ZNF331: variants seen among roughly 807,000 people sequenced by gnomAD.
ZNF331 encodes zinc finger protein 331.
Under a neutral mutation model 7.0 loss-of-function variants are expected in ZNF331, and 2 were observed. The ratio of observed to expected loss-of-function variants is 0.29; its 90% CI spans 0.12 to 0.90. ZNF331 has a LOEUF of 0.90. Ranked by LOEUF, ZNF331 falls within the 40% of genes least tolerant of loss-of-function variation. The pLI is 0.58. For missense variants in ZNF331, 432 were observed against 587.7 expected (o/e 0.74, Z 2.74); for synonymous variants, 196 against 205.4 (o/e 0.95, Z 0.39).
At chr19:53,570,123 G>A (rs909128849) in intron 4 of ZNF331, among the ~76,000 whole-genome samples, 1 of 152,012 alleles carries the variant, frequency 6.6e-6, no homozygotes, top group Non-Finnish European at 1.5e-5. Context: ...GGCTATGGTG[G>A]CATGTGTCCA....
chr19:53,549,771 A>G (rs970292160), intron 2 of ZNF331, among the ~76,000 whole-genome samples: 2 of 150,600 alleles, frequency 1.3e-5, no homozygotes, highest in African/African-American at 2.4e-5. Context: ...TTTTTGCTCT[A>G]ATCTTTATTA....
At chr19:53,534,536 C>T (rs949554562), upstream of ZNF331, among the ~76,000 whole-genome samples, 1 of 152,146 alleles carries the variant, frequency 6.6e-6, no homozygotes, top group Non-Finnish European at 1.5e-5. Flanking sequence ...ATCCGCCCAC[C>T]TCGGCCTCCC....
intron 2 of ZNF331, among the ~76,000 whole-genome samples, chr19:53,528,176 C>A (rs2087380400): frequency 6.6e-6 from 1 of 152,112 alleles, no homozygotes; most frequent in Non-Finnish European, 1.5e-5. Context: ...TCTCTATTTC[C>A]CTAGTTGCTG....
intron 3 of ZNF331, among the ~76,000 whole-genome samples, chr19:53,565,729 A>G (rs1039246346): frequency 1.3e-5 from 2 of 151,790 alleles, no homozygotes. Context: ...GGGTTTCACC[A>G]TGTTGGCCAG....
upstream of ZNF331, among the ~76,000 whole-genome samples, chr19:53,535,564 C>T (rs2087714039): frequency 1.3e-5 from 2 of 152,082 alleles, no homozygotes; most frequent in African/African-American, 4.8e-5. Flanking sequence ...TAAAAGAAAT[C>T]CAGCCCAACC....
At chr19:53,559,325 CAT>C (rs1428616559) in intron 3 of ZNF331, among the ~76,000 whole-genome samples, 2 of 150,610 alleles carry the variant, frequency 1.3e-5, no homozygotes, top group African/African-American at 2.5e-5. Context: ...TACACACCTA[CAT>C]ATAGAGACAC....
chr19:53,511,772 T>TACAA, the ZNF331 span, among the ~76,000 whole-genome samples: 57 of 152,140 alleles, frequency 3.7e-4, no homozygotes, highest in Non-Finnish European at 1.2e-4. Flanking sequence ...CTTTATAATA[T>TACAA]ACAAACACAT....
intron 2 of ZNF331, among the ~76,000 whole-genome samples, chr19:53,548,333 G>T (rs771419492): frequency 6.6e-6 from 1 of 151,806 alleles, no homozygotes; most frequent in African/African-American, 2.4e-5. Context: ...GGATGGTCTC[G>T]ATCTCCTGAC....
intron 3 of ZNF331, among the ~76,000 whole-genome samples, chr19:53,557,007 A>G (rs1276652064): frequency 8.3e-6 from 1 of 120,662 alleles, no homozygotes; most frequent in Non-Finnish European, 1.7e-5. Context: ...TTTGGTAGAT[A>G]CAATGTTTCA....
chr19:53,558,944 CATATACACAT>C lies in ZNF331; in HGVS notation c.-74+3038_-74+3047del, dbSNP rs2089614087. ...TACACACACATACACACCATACACACATATACACATACCATATACACACCATACACACATA... is the reference window on the plus strand; with the variant it reads ...TACACACACATACACACCATACACACACCATATACACACCATACACACATA... On this transcript the variant is annotated intron_variant, in intron 3 of 5. Coordinates refer to ENST00000449416, the MANE Select transcript of ZNF331 (RefSeq NM_001079906.2). This position sits in a 1 kb window ranked among gnomAD's most constrained non-coding sequence, Gnocchi z 4.5. Among the ~76,000 whole-genome samples, 1 of 96,456 alleles carries C rather than the reference CATATACACAT, an allele frequency of 1.0e-5. No homozygotes were observed. The highest frequency in any genetic ancestry group is 7.4e-5 in the African/African-American group (1 of 13,498). The allele number at this position is 96,456 out of a possible 152,430, so 63.3% of individuals were successfully genotyped here. A position where few individuals can be genotyped will look rare whatever the true frequency, so the allele number is the denominator to read the frequency against.
At chr19:53,545,850 G>C (rs986291580) in intron 2 of ZNF331, among the ~76,000 whole-genome samples, 1 of 152,174 alleles carries the variant, frequency 6.6e-6, no homozygotes, top group Non-Finnish European at 1.5e-5. Flanking sequence ...TCACAGTAAC[G>C]GGAAGCCTCA....
At chr19:53,544,359 C>A (rs900668839) in intron 2 of ZNF331, among the ~76,000 whole-genome samples, 19 of 151,212 alleles carry the variant, frequency 1.3e-4, no homozygotes, top group African/African-American at 4.6e-4. Flanking sequence ...TCCTGGCTAA[C>A]ACGGTGAAAC....
At chr19:53,519,335 C>T (rs1466260384), upstream of ZNF331, among the ~76,000 whole-genome samples, 4 of 152,144 alleles carry the variant, frequency 2.6e-5, no homozygotes, top group African/African-American at 9.7e-5. Context: ...ATTTCGGAAG[C>T]CCCCTGCTCT....
chr19:53,523,517 C>T (rs1323279416), intron 2 of ZNF331: 1 of 152,170 alleles, frequency 6.6e-6, no homozygotes, highest in Non-Finnish European at 1.5e-5. Flanking sequence ...CCATGCCCTG[C>T]CTTTGTCCCA....
In ZNF331 at chr19:53,544,355, C is replaced by A. The variant is rs536703891; in HGVS notation, c.-138+5073C>A. 4.0e-5 allele frequency among the ~76,000 whole-genome samples: 6 copies of A among 151,116 alleles called. No homozygotes were observed. In the South Asian group the frequency reaches 6.3e-4, roughly 16 times the overall value. On this transcript the variant is annotated intron_variant, in intron 2 of 5. Coordinates refer to ENST00000449416, the MANE Select transcript of ZNF331 (RefSeq NM_001079906.2). ...GGTCAGGAGATGGAGACCATCCTGG[C>A]TAACACGGTGAAACCCCATCTCTAC...
chr19:53,552,991 T>C (rs2089111665), intron 2 of ZNF331, among the ~76,000 whole-genome samples: 1 of 152,084 alleles, frequency 6.6e-6, no homozygotes, highest in South Asian at 2.1e-4. Context: ...ATTAAGAACA[T>C]AGAGCCTATG....
chr19:53,513,607 G>T, the ZNF331 span, among the ~76,000 whole-genome samples: 1 of 151,958 alleles, frequency 6.6e-6, no homozygotes, highest in African/African-American at 2.4e-5. Context: ...ATTTTGATTG[G>T]CATTTTCCAG....
In ZNF331 at chr19:53,576,703, A is replaced by T; in HGVS notation, c.143A>T (p.Glu48Val). 1 of 1,599,482 alleles carries T rather than the reference A, an allele frequency of 6.3e-7. No homozygotes were observed. Among genetic ancestry groups the T allele is most frequent in the Non-Finnish European group, 8.5e-7 (1 of 1,173,558 alleles). ...ATATGTTCTTTTTTCCCAGATTTGG[A>T]GTCAGCATATGAAAATAAGAGTTTA... Reference protein sequence around the residue: ...NYSNLVSLDLESAYENKSLPT... With the variant: ...NYSNLVSLDLVSAYENKSLPT... Residue 48 changes from glutamate to valine, a missense_variant, in exon 6 of 6, where the codon GAG becomes GTG. This residue lies in a region of ZNF331 where 39 missense variants were observed against 68.8 expected (regional missense o/e 0.57). Coordinates refer to ENST00000449416, the MANE Select transcript of ZNF331 (RefSeq NM_001079906.2).
chr19:53,540,152 CTA>C (rs2088042113), intron 2 of ZNF331, among the ~76,000 whole-genome samples: 1 of 152,138 alleles, frequency 6.6e-6, no homozygotes, highest in African/African-American at 2.4e-5. Context: ...GTACCATACT[CTA>C]TTGTGTTTTG....
Sources: allele counts gnomAD v4.1 joint callset (sites outside exome capture counted in the v4.1 genomes callset), GRCh38; gene constraint gnomAD v4.1.1; regional missense constraint gnomAD v4.1.1; non-coding constraint Gnocchi (gnomAD v3.1); transcripts MANE v1.5; gene names NCBI Gene and HGNC (gene_info 2026-07-23, HGNC 2026-07-21).